The following PLCB1 variants were observed in gnomAD, a reference collection of about 807,000 sequenced individuals.
The protein encoded by PLCB1 is 1-phosphatidylinositol 4,5-bisphosphate phosphodiesterase beta-1.
In PLCB1, 46 loss-of-function variants were observed where a neutral mutation model predicts 161.8. The ratio of observed to expected loss-of-function variants is 0.28; its 90% CI spans 0.22 to 0.36. PLCB1 has a LOEUF of 0.36. Among genes scored for constraint, PLCB1 ranks in the 10% least tolerant of loss-of-function variants. The pLI, the probability that PLCB1 is intolerant of heterozygous loss-of-function variation, is 1.00. For missense variants in PLCB1, 1,016 were observed against 1,472.5 expected (o/e 0.69, Z 5.07); for synonymous variants, 517 against 503.7 (o/e 1.03, Z -0.35).
chr20:8,632,662 A>C (rs572876842), intron 4 of PLCB1, among the ~76,000 whole-genome samples: 1 of 152,236 alleles, frequency 6.6e-6, no homozygotes, highest in Admixed American at 6.5e-5. Context: ...TGAGGGAATA[A>C]GTCAGGAGGA....
chr20:8,836,409 G>C (rs901187470), intron 31 of PLCB1, among the ~76,000 whole-genome samples: 1 of 110,218 alleles, frequency 9.1e-6, no homozygotes, highest in African/African-American at 2.8e-5. Flanking sequence ...GAGCTGATGG[G>C]GTATTACACA....
At chr20:8,326,472 T>A (rs1245097158) in intron 2 of PLCB1, among the ~76,000 whole-genome samples, 1 of 152,208 alleles carries the variant, frequency 6.6e-6, no homozygotes, top group Non-Finnish European at 1.5e-5. Context: ...TGATAGGTTA[T>A]GATTTCCCTT....
chr20:8,513,539 A>G (rs952814293), intron 3 of PLCB1, among the ~76,000 whole-genome samples: 1 of 152,350 alleles, frequency 6.6e-6, no homozygotes, highest in Non-Finnish European at 1.5e-5. Flanking sequence ...GAATACCTAT[A>G]CTGCAGGTGC....
chr20:8,808,535 G>A (rs954796071), intron 31 of PLCB1, among the ~76,000 whole-genome samples: 1 of 152,154 alleles, frequency 6.6e-6, no homozygotes, highest in Non-Finnish European at 1.5e-5. Context: ...ATTTGGGGTA[G>A]ACACAATTCA....
chr20:8,329,136 A>T (rs1390016797), intron 2 of PLCB1, among the ~76,000 whole-genome samples: 2 of 152,134 alleles, frequency 1.3e-5, no homozygotes, highest in Non-Finnish European at 2.9e-5. Flanking sequence ...ATAAAAGAGA[A>T]ATTTGGTGAA....
Position 8,351,595 on chromosome 20 carries a change from A to G in PLCB1, c.178-19787A>G, listed in dbSNP as rs573840244. Reference sequence around the variant, plus strand: ...AAGTATATGGAAATCACATTGTGATAAAAGAATAGTATTCTGAATATATAG... The same window carrying G: ...AAGTATATGGAAATCACATTGTGATGAAAGAATAGTATTCTGAATATATAG... On this transcript the variant is annotated intron_variant, in intron 2 of 31. Transcript: ENST00000338037. 3.3e-5 allele frequency among the ~76,000 whole-genome samples: 5 copies of G among 152,214 alleles called. No homozygotes were observed. The East Asian group carries it at 9.6e-4, about 29-fold the overall frequency.
intron 24 of PLCB1, among the ~76,000 whole-genome samples, chr20:8,757,973 T>C (rs140222016): frequency 6.6e-6 from 1 of 152,202 alleles, no homozygotes; most frequent in East Asian, 1.9e-4. Context: ...TCCTTGTGTG[T>C]ATGTCCTGTT....
intron 2 of PLCB1, among the ~76,000 whole-genome samples, chr20:8,153,464 T>G (rs1231267935): frequency 1.3e-5 from 2 of 152,136 alleles, no homozygotes; most frequent in African/African-American, 4.8e-5. Flanking sequence ...AGAGGTGGCC[T>G]ACATTAGGCT....
At chr20:8,712,153 G>A (rs764610739) in intron 12 of PLCB1, among the ~76,000 whole-genome samples, 1 of 152,052 alleles carries the variant, frequency 6.6e-6, no homozygotes, top group Non-Finnish European at 1.5e-5. Flanking sequence ...ATACAAAACA[G>A]GTGTTATGGC....
At chr20:8,431,657 T>A (rs892993656) in intron 3 of PLCB1, among the ~76,000 whole-genome samples, 1 of 152,190 alleles carries the variant, frequency 6.6e-6, no homozygotes, top group Non-Finnish European at 1.5e-5. Context: ...GAATATTAAG[T>A]CTGATTGGGA....
chr20:8,705,692 A>G (rs148016917), intron 11 of PLCB1, among the ~76,000 whole-genome samples: 47 of 152,336 alleles, frequency 3.1e-4, no homozygotes, highest in African/African-American at 1.1e-3. Context: ...CTGAAGGAAC[A>G]AAGTGCAAAG....
chr20:8,525,256 C>CA (rs11087804), intron 3 of PLCB1, among the ~76,000 whole-genome samples: 51 of 146,916 alleles, frequency 3.5e-4, no homozygotes, highest in East Asian at 1.4e-3. Context: ...TATATATAGC[C>CA]AAAAAAAAAA....
At chr20:8,857,436 C>T (rs897231295) in intron 31 of PLCB1, among the ~76,000 whole-genome samples, 6 of 152,164 alleles carry the variant, frequency 3.9e-5, no homozygotes, top group African/African-American at 7.2e-5. Flanking sequence ...ATGAATGTAT[C>T]GCACTTATCC....
Position 8,276,986 on chromosome 20 carries a change from C to CTTATTATTATTATTA in PLCB1, c.178-94381_178-94367dup, listed in dbSNP as rs59903648. On this transcript the variant is annotated intron_variant, in intron 2 of 31. Coordinates refer to ENST00000338037, the MANE Select transcript of PLCB1 (RefSeq NM_015192.4). ...TCTTCTTCTTCTTCTTCTTCTTCTT[C>CTTATTATTATTATTA]TTATTATTATTATTATTATTATTAT... 1.7e-3 allele frequency among the ~76,000 whole-genome samples: 159 copies of CTTATTATTATTATTA among 93,326 alleles called. 1 individual carries two copies. Among genetic ancestry groups the CTTATTATTATTATTA allele is most frequent in the East Asian group, 3.1e-3 (9 of 2,884 alleles). 61.2% of individuals were successfully genotyped at this position (93,326 alleles called of 152,430 possible).
intron 3 of PLCB1, among the ~76,000 whole-genome samples, chr20:8,626,635 A>C (rs765424226): frequency 2.0e-5 from 3 of 152,174 alleles, no homozygotes; most frequent in Non-Finnish European, 4.4e-5. Context: ...TTTCCCACTA[A>C]AGACTGTGGA....
chr20:8,257,946 T>G (rs1360392063), intron 2 of PLCB1, among the ~76,000 whole-genome samples: 1 of 152,130 alleles, frequency 6.6e-6, no homozygotes, highest in Non-Finnish European at 1.5e-5. Flanking sequence ...TAAAGGTCAT[T>G]CAGAATGTCC....
At chr20:8,187,119 A>G (rs1389907413) in intron 2 of PLCB1, among the ~76,000 whole-genome samples, 1 of 152,082 alleles carries the variant, frequency 6.6e-6, no homozygotes, top group East Asian at 1.9e-4. Flanking sequence ...CTCATCCACT[A>G]CTATGAGGTG....
chr20:8,218,052 G>C (rs1352124687), intron 2 of PLCB1, among the ~76,000 whole-genome samples: 1 of 152,144 alleles, frequency 6.6e-6, no homozygotes, highest in Admixed American at 6.6e-5. Flanking sequence ...CATGGACTAA[G>C]ACAGGTGGGC....
chr20:8,166,961 C>T (rs552788477), intron 2 of PLCB1, among the ~76,000 whole-genome samples: 32 of 152,256 alleles, frequency 2.1e-4, no homozygotes, highest in African/African-American at 6.5e-4. Context: ...ATCTAGCTCC[C>T]GTATTAGGTT....
Sources: allele counts gnomAD v4.1 joint callset (sites outside exome capture counted in the v4.1 genomes callset), GRCh38; gene constraint gnomAD v4.1.1; transcripts MANE v1.5; gene names NCBI Gene and HGNC (gene_info 2026-07-23, HGNC 2026-07-21).